The following RYR2 variants were observed in gnomAD, a reference collection of about 807,000 sequenced individuals.
RYR2 encodes the protein ryanodine receptor 2, also known as cardiac muscle ryanodine receptor-calcium release channel.
Under a neutral mutation model 601.1 loss-of-function variants are expected in RYR2, and 227 were observed. The ratio of observed to expected loss-of-function variants is 0.38; its 90% confidence interval spans 0.34 to 0.42. The LOEUF (loss-of-function observed/expected upper bound fraction) is 0.42. Ranked by LOEUF, RYR2 falls within the 10% of genes least tolerant of loss-of-function variation. The pLI is 1.00. For synonymous variants in RYR2, 2,223 were observed against 2,175.1 expected, an observed-to-expected ratio of 1.02 and a Z score of -0.61; for missense variants, 4,646 against 6,156.5, an observed-to-expected ratio of 0.75 and a Z score of 8.21.
At chr1:237,563,224 G>T (rs563857386) in intron 27 of RYR2, among the ~76,000 whole-genome samples, 1 of 152,114 alleles carries the variant, frequency 6.6e-6, no homozygotes, top group South Asian at 2.1e-4. Context: ...CGTGACAATG[G>T]TGAAACCCCG....
chr1:237,132,615 C>T (rs1672283345), intron 1 of RYR2, among the ~76,000 whole-genome samples: 1 of 152,002 alleles, frequency 6.6e-6, no homozygotes, highest in African/African-American at 2.4e-5. Context: ...CAAAAAATGA[C>T]AAAACTGAAC....
chr1:237,143,972 T>G (rs1452353123), intron 1 of RYR2, among the ~76,000 whole-genome samples: 1 of 151,930 alleles, frequency 6.6e-6, no homozygotes, highest in Admixed American at 6.6e-5. Context: ...CTACTAAAAA[T>G]ACAAAAATTA....
chr1:237,564,809 A>G (rs181491019), intron 27 of RYR2, among the ~76,000 whole-genome samples: 3 of 152,304 alleles, frequency 2.0e-5, no homozygotes, highest in Admixed American at 1.3e-4. Context: ...CACTACCACC[A>G]TTATCAAAAA....
At chr1:237,812,233 T>A (rs1661330788) in intron 100 of RYR2, among the ~76,000 whole-genome samples, 1 of 152,168 alleles carries the variant, frequency 6.6e-6, no homozygotes, top group Non-Finnish European at 1.5e-5. Context: ...TTACACTACC[T>A]CACAGATAGT....
intron 1 of RYR2, among the ~76,000 whole-genome samples, chr1:237,109,677 C>T (rs1669208481): frequency 6.6e-6 from 1 of 151,302 alleles, no homozygotes; most frequent in Non-Finnish European, 1.5e-5. Context: ...AAAATATTTG[C>T]TGACACTGCA....
rs557286948 is a variant in RYR2, at chr1:237,806,091, C to T, written c.14152-46C>T. 41 of 1,553,484 alleles carry T rather than the reference C, an allele frequency of 2.6e-5. 1 individual carries two copies. In the South Asian group the frequency reaches 3.4e-4, roughly 13 times the overall value. On this transcript the variant is annotated intron_variant, in intron 98 of 104. Coordinates refer to ENST00000366574, the MANE Select transcript of RYR2 (RefSeq NM_001035.3). ...TGCTTAACCCATAACAATAGTCATG[C>T]GTTCTGTTTTCTGACATGTTCTTTC... is the stretch of plus-strand genomic sequence containing the variant.
intron 5 of RYR2, 85 bp from the exon 6 acceptor site, chr1:237,369,449 G>A: frequency 8.7e-7 from 1 of 1,151,824 alleles, no homozygotes; most frequent in Admixed American, 2.0e-5. Flanking sequence ...GTTCCTTTGA[G>A]AGCAAGAGAG....
intron 1 of RYR2, among the ~76,000 whole-genome samples, chr1:237,183,619 C>T (rs1221941839): frequency 2.0e-5 from 3 of 152,132 alleles, no homozygotes; most frequent in Non-Finnish European, 1.5e-5. Context: ...AAAGCATACA[C>T]ATAGAAATGA....
At chr1:237,403,829 T>C (rs1703614042) in intron 10 of RYR2, among the ~76,000 whole-genome samples, 2 of 152,202 alleles carry the variant, frequency 1.3e-5, no homozygotes, top group Admixed American at 6.5e-5. Flanking sequence ...CTATCTCATA[T>C]GTAACTTTGG....
chr1:237,436,277 G>GT (rs35458271), intron 12 of RYR2, among the ~76,000 whole-genome samples: 85,213 of 151,120 alleles, frequency 0.56, 24,629 homozygotes, highest in East Asian at 0.71. Context: ...GGAGGGTATT[G>GT]TACGGGGTGT....
intron 85 of RYR2, among the ~76,000 whole-genome samples, chr1:237,771,189 C>G (rs1038173019): frequency 1.3e-5 from 2 of 152,008 alleles, no homozygotes; most frequent in Non-Finnish European, 2.9e-5. Context: ...GGGAGGATTG[C>G]TTGAACCTAG....
In RYR2 at chr1:237,784,544, G is replaced by A; in HGVS notation, c.12832G>A (p.Asp4278Asn). ...MKKVKKMTVK[D>N]MVTAFFSSYW... ...AAAAGTAAAAAAGATGACCGTGAAG[G>A]ACATGGTCACGGCCTTCTTTTCATC... Residue 4278 changes from aspartate (D) to asparagine (N), a missense_variant, in exon 90 of 105, where the codon GAC becomes AAC. Around this residue, in one of 17 missense-constraint regions of RYR2, gnomAD observed 364 missense variants for 442.9 expected, o/e 0.82. Coordinates refer to ENST00000366574, the MANE Select transcript of RYR2 (RefSeq NM_001035.3). This position sits in a 1 kb window ranked among gnomAD's most constrained non-coding sequence, Gnocchi z 7.1. The A allele has an allele frequency of 6.2e-7, 1 of 1,613,892 alleles. No individual in the cohort carries two copies. Among genetic ancestry groups the A allele is most frequent in the Non-Finnish European group, 8.5e-7 (1 of 1,179,858 alleles).
chr1:237,186,532 G>A (rs187095098), intron 1 of RYR2, among the ~76,000 whole-genome samples: 3 of 152,188 alleles, frequency 2.0e-5, no homozygotes, highest in Non-Finnish European at 4.4e-5. Flanking sequence ...CCTAATTTTA[G>A]GCCAGATGCT....
chr1:237,237,370 C>A (rs1428549974), intron 1 of RYR2, among the ~76,000 whole-genome samples: 2 of 152,152 alleles, frequency 1.3e-5, no homozygotes, highest in Non-Finnish European at 2.9e-5. Context: ...TAATAAAATT[C>A]TAAGCCTCCA....
At chr1:237,042,720 A>G (rs1336210699) in intron 1 of RYR2, among the ~76,000 whole-genome samples, 151 bp downstream of exon 1, 1 of 151,976 alleles carries the variant, frequency 6.6e-6, no homozygotes, top group Non-Finnish European at 1.5e-5. Flanking sequence ...GGCATCACCA[A>G]GTGTGTGCAG....
chr1:237,740,788 T>G (rs992073054), intron 79 of RYR2, among the ~76,000 whole-genome samples: 1 of 152,220 alleles, frequency 6.6e-6, no homozygotes, highest in Non-Finnish European at 1.5e-5. Context: ...TATTTACTAA[T>G]GCACACTGCT....
rs730880194 is a variant in RYR2, at chr1:237,700,452, G to A, written c.9352G>A (p.Gly3118Arg). The A allele has an allele frequency of 3.8e-6, 6 of 1,558,996 alleles. No homozygotes were observed. Among genetic ancestry groups the A allele is most frequent in the Middle Eastern group, 1.7e-4 (1 of 6,002 alleles). ...LFEHIGQHQF[G>R]EDLILEDVQV... ...TGAACATATTGGCCAGCATCAGTTC[G>A]GAGAAGACCTAATATGTATGTAAAT... Residue 3118 changes from glycine (G) to arginine (R), a missense_variant, in exon 65 of 105, where the codon GGA becomes AGA. Coordinates refer to ENST00000366574, the MANE Select transcript of RYR2 (RefSeq NM_001035.3).
At chr1:237,308,736 T>A (rs1400380700) in intron 2 of RYR2, among the ~76,000 whole-genome samples, 2 of 152,148 alleles carry the variant, frequency 1.3e-5, no homozygotes, top group Non-Finnish European at 2.9e-5. Flanking sequence ...AGCAGCAAGA[T>A]TTACTGCAAG....
chr1:237,448,151 A>G (rs1572374031), intron 14 of RYR2, among the ~76,000 whole-genome samples: 1 of 151,784 alleles, frequency 6.6e-6, no homozygotes, highest in Non-Finnish European at 1.5e-5. Flanking sequence ...GGTCTCGAAC[A>G]CCTGATCTCA....
Sources: allele counts gnomAD v4.1 joint callset (sites outside exome capture counted in the v4.1 genomes callset), GRCh38; gene constraint gnomAD v4.1.1; regional missense constraint gnomAD v4.1.1; non-coding constraint Gnocchi (gnomAD v3.1); transcripts MANE v1.5; gene names NCBI Gene and HGNC (gene_info 2026-07-23, HGNC 2026-07-21).